The following BTBD2 variants were observed in gnomAD, a reference collection of about 807,000 sequenced individuals.
BTBD2 encodes BTB/POZ domain-containing protein 2.
Under a neutral mutation model 44.0 loss-of-function variants are expected in BTBD2, and 15 were observed. That is an observed-to-expected ratio of 0.34 (90% CI 0.23 to 0.53). The LOEUF (loss-of-function observed/expected upper bound fraction) is 0.53. Ranked by LOEUF, BTBD2 falls within the 20% of genes least tolerant of loss-of-function variation. BTBD2 has a pLI of 0.95. For synonymous variants in BTBD2, 443 were observed against 335.9 expected (o/e 1.32, Z -3.49); for missense variants, 657 against 746.4 (o/e 0.88, Z 1.39).
chr19:2,013,727 G>C (rs937065230), intron 1 of BTBD2: 8 of 967,746 alleles, frequency 8.3e-6, no homozygotes, highest in Non-Finnish European at 9.8e-6. Context: ...CCCTGGAGGG[G>C]AGCAGCATGG....
rs887199017 is a variant in BTBD2 at position 2,000,893 on chromosome 19, T to G, written c.408-3430A>C. On this transcript the variant is annotated intron_variant, in intron 1 of 8. Coordinates refer to ENST00000255608, the MANE Select transcript of BTBD2 (RefSeq NM_017797.4). ...TGCAGGACCCGGTGCAGATGCGCCT[T>G]GAAGACGTCGTGCTCTATGACAGAC... 2.6e-5 allele frequency among the ~76,000 whole-genome samples: 4 copies of G among 152,162 alleles called. No individual in the cohort carries two copies. The South Asian group carries it at 8.3e-4, about 31-fold the overall frequency.
At chr19:2,009,272 C>G (rs147984689) in intron 1 of BTBD2, among the ~76,000 whole-genome samples, 3,784 of 152,026 alleles carry the variant, frequency 0.025, 67 homozygotes, top group Middle Eastern at 0.071. Context: ...GATCTTGGCT[C>G]ACTGCAACCT....
In BTBD2 at chr19:1,987,716, G is replaced by C. The variant is rs538621130; in HGVS notation, c.989-24C>G. 5.8e-6 allele frequency: 9 copies of C among 1,564,654 alleles called. No individual in the cohort carries two copies. The African/African-American group carries it at 1.2e-4, about 21-fold the overall frequency. On this transcript the variant is annotated intron_variant, in intron 5 of 8. Transcript: ENST00000255608. The stretch of plus-strand genomic sequence containing the variant: ...ACCTGCAGCACAGGGAGGGTGTGGG[G>C]GAGGGCCGGGCTGCACCCCAGGATC...
intron 1 of BTBD2, among the ~76,000 whole-genome samples, chr19:1,998,459 C>A (rs1385517116): frequency 2.0e-5 from 3 of 152,202 alleles, no homozygotes; most frequent in Non-Finnish European, 4.4e-5. Flanking sequence ...CAGGGGTGGC[C>A]CCAGCTGGGA....
intron 5 of BTBD2, chr19:1,989,786 C>CGGG (rs949761400): frequency 2.4e-5 from 14 of 589,796 alleles, no homozygotes; most frequent in Non-Finnish European, 4.2e-5. Flanking sequence ...ACACGAGAGG[C>CGGG]GGGGTCTGGC....
At chr19:2,011,941 G>A (rs547137511) in intron 1 of BTBD2, among the ~76,000 whole-genome samples, 73 of 150,912 alleles carry the variant, frequency 4.8e-4, no homozygotes, top group Non-Finnish European at 8.6e-4. Flanking sequence ...TGCAACCTCC[G>A]CCTCCCGGGT....
chr19:1,998,693 T>G (rs2016284457), intron 1 of BTBD2, among the ~76,000 whole-genome samples: 1 of 152,108 alleles, frequency 6.6e-6, no homozygotes, highest in South Asian at 2.1e-4. Flanking sequence ...AAGACGCCAC[T>G]CTGTGCTGTC....
At position 1,993,104 on chromosome 19, in the gene BTBD2, G is replaced by A. The variant is rs202047213; in HGVS notation, c.600C>T (p.Tyr200=). The A allele has an allele frequency of 3.2e-5, 52 of 1,609,002 alleles. No homozygotes were observed. In the African/African-American group the frequency reaches 3.6e-4, roughly 11 times the overall value. The change falls in exon 3 of 9, where the codon TAC becomes TAT. Residue 200 remains tyrosine (Y), a synonymous_variant. Transcript: ENST00000255608. The part of the protein sequence containing the change: ...VMTTLYTAKK[Y]AVPALEAHCV... ...AATGGGCCTCGAGCGCTGGCACCGC[G>A]TACTTCTTGGCGGTGTATAGCGTGG...
At position 1,990,177 on chromosome 19, in the gene BTBD2, C is replaced by T; in HGVS notation, c.815G>A (p.Arg272His). The change falls in exon 5 of 9, where the codon CGC becomes CAC. Residue 272 changes from arginine to histidine, a missense_variant. Physicochemically the swap from Arg to His is conservative, Grantham distance 29 (BLOSUM62 0). This residue lies in a region of BTBD2 where 449 missense variants were observed against 510.9 expected (regional missense o/e 0.88). Coordinates refer to ENST00000255608, the MANE Select transcript of BTBD2 (RefSeq NM_017797.4). ...CACCTCACGGATGCCCAGTGTGTCGCGCTCCAGGACAGCCACCAGCGTGTC... is the reference window on the plus strand; with the variant it reads ...CACCTCACGGATGCCCAGTGTGTCGTGCTCCAGGACAGCCACCAGCGTGTC... ...DLDTLVAVLE[R>H]DTLGIREVRL... 6.2e-7 allele frequency: 1 copy of T among 1,605,588 alleles called. No homozygotes were observed. The highest frequency in any genetic ancestry group is 8.5e-7 in the Non-Finnish European group (1 of 1,176,924).
At chr19:1,989,727 CG>C in intron 5 of BTBD2, 1 of 495,192 alleles carries the variant, frequency 2.0e-6, no homozygotes, top group Non-Finnish European at 3.7e-6. Context: ...GGGCGCGAGA[CG>C]GGGACTCCCT....
chr19:1,992,247 C>T (rs554756021), intron 3 of BTBD2, among the ~76,000 whole-genome samples: 67 of 152,082 alleles, frequency 4.4e-4, no homozygotes, highest in African/African-American at 1.5e-3. Flanking sequence ...CATGCACCAG[C>T]GTGCTTGGCT....
chr19:2,010,201 T>C lies in BTBD2; in HGVS notation c.407+5096A>G, dbSNP rs562116250. On this transcript the variant is annotated intron_variant, in intron 1 of 8. Transcript: ENST00000255608. ...ATACTAACTTCATGGGACCAGCCAA[T>C]GTGCACATCTACAAAAGTGCAACCC... 3.3e-5 allele frequency among the ~76,000 whole-genome samples: 5 copies of C among 152,314 alleles called. 1 individual carries two copies. The highest frequency in any genetic ancestry group is 1.9e-4 in the East Asian group (1 of 5,182).
chr19:1,990,331 C>T, intron 4 of BTBD2, 130 bp from the exon 5 acceptor site: 2 of 947,126 alleles, frequency 2.1e-6, no homozygotes, highest in South Asian at 1.6e-5. Flanking sequence ...CCAAATCTGG[C>T]CCTGTGAGTG....
At chr19:2,011,862 C>CT (rs377533680) in intron 1 of BTBD2, among the ~76,000 whole-genome samples, 2,800 of 148,048 alleles carry the variant, frequency 0.019, 81 homozygotes, top group African/African-American at 0.065. Context: ...ATTTTTTTTC[C>CT]TTTTTTTTTT....
rs916076901 is a variant in BTBD2, at chr19:1,986,586, C to T, written c.1480G>A (p.Gly494Ser). 4 of 1,613,990 alleles carry T rather than the reference C, an allele frequency of 2.5e-6. No individual in the cohort carries two copies. Among genetic ancestry groups the T allele is most frequent in the Middle Eastern group, 1.7e-4 (1 of 6,060 alleles). Residue 494 changes from glycine (G) to serine (S), a missense_variant, in exon 9 of 9, where the codon GGC (glycine) becomes AGC (serine). Physicochemically the swap from Gly to Ser is moderately conservative, Grantham distance 56. Coordinates refer to ENST00000255608, the MANE Select transcript of BTBD2 (RefSeq NM_017797.4). ...RKVTHESPTT[G>S]AKTCFTFCYA... ...CAAAAGGTGAAGCAGGTCTTGGCGC[C>T]CGTGGTGGGCGACTCGTGTGTCACC... is the stretch of plus-strand genomic sequence containing the variant.
At chr19:2,001,724 G>A (rs566378379) in intron 1 of BTBD2, among the ~76,000 whole-genome samples, 19 of 152,334 alleles carry the variant, frequency 1.2e-4, no homozygotes, top group African/African-American at 4.3e-4. Flanking sequence ...TCTTCATCTG[G>A]CTGCAAGATG....
chr19:1,991,083 G>A (rs1401148974), intron 3 of BTBD2: 3 of 409,564 alleles, frequency 7.3e-6, no homozygotes, highest in Non-Finnish European at 1.3e-5. Flanking sequence ...AAGATGCTCA[G>A]GTCCCTGTCG....
intron 1 of BTBD2, among the ~76,000 whole-genome samples, chr19:2,013,226 TC>T (rs1221697990): frequency 6.6e-6 from 1 of 151,594 alleles, no homozygotes; most frequent in Non-Finnish European, 1.5e-5. Context: ...GGCAGGACCC[TC>T]CCCCTCCAGT....
intron 7 of BTBD2, 57 bp downstream of exon 7, chr19:1,987,109 G>A: frequency 6.3e-7 from 1 of 1,597,026 alleles, no homozygotes. Flanking sequence ...GTTCCATGGA[G>A]GTGGAGAGAG....
Sources: gnomAD v4.1 joint callset for allele counts (sites outside exome capture counted in the v4.1 genomes callset) on GRCh38, gnomAD v4.1.1 for gene constraint, gnomAD v4.1.1 regional missense constraint, MANE v1.5 for transcripts, NCBI Gene and HGNC (gene_info 2026-07-23, HGNC 2026-07-21) for gene names.